IL12RB2: variants seen among roughly 807,000 people sequenced by gnomAD.
IL12RB2 encodes interleukin 12 receptor subunit beta 2.
A neutral mutation model predicts 89.4 loss-of-function variants in IL12RB2; 82 were observed. That is an observed-to-expected ratio of 0.92 (90% CI 0.77 to 1.10). The LOEUF (loss-of-function observed/expected upper bound fraction) is 1.10, where lower values mean the gene tolerates loss of function less well. IL12RB2 is among the 50% of genes least tolerant of loss of function. The pLI, the probability that IL12RB2 is intolerant of heterozygous loss-of-function variation, is 0.00. For missense variants in IL12RB2, 963 were observed against 1,031.9 expected, an observed-to-expected ratio of 0.93 and a Z score of 0.92; for synonymous variants, 368 against 370.1, an observed-to-expected ratio of 0.99 and a Z score of 0.07.
At chr1:67,326,153 G>A (rs1305599127) in intron 4 of IL12RB2, among the ~76,000 whole-genome samples, 2 of 152,188 alleles carry the variant, frequency 1.3e-5, no homozygotes, top group Admixed American at 1.3e-4. Flanking sequence ...AGGCAACTGG[G>A]TGTAAGTGTC....
intron 13 of IL12RB2, among the ~76,000 whole-genome samples, chr1:67,376,216 C>T (rs1050759547): frequency 2.6e-5 from 4 of 152,154 alleles, no homozygotes; most frequent in African/African-American, 9.7e-5. Flanking sequence ...CCAACAGTCT[C>T]TAAGCATCTT....
chr1:67,395,893 A>C lies in IL12RB2; in HGVS notation c.2393A>C (p.Asp798Ala), dbSNP rs2100360867. ...CCAGCAGGTGACCTTCCCACCCATGATGGCTACTTACCCTCCAACATAGAT... is the reference window on the plus strand; with the variant it reads ...CCAGCAGGTGACCTTCCCACCCATGCTGGCTACTTACCCTCCAACATAGAT... ...VLPAGDLPTH[D>A]GYLPSNIDDL... The change falls in exon 17 of 17, where the codon GAT becomes GCT. Residue 798 changes from aspartate to alanine, a missense_variant. Transcript: ENST00000674203. 6.2e-7 allele frequency: 1 copy of C among 1,609,102 alleles called. No homozygotes were observed. The highest frequency in any genetic ancestry group is 8.5e-7 in the Non-Finnish European group (1 of 1,175,770).
At chr1:67,376,101 C>T (rs984823492) in intron 13 of IL12RB2, among the ~76,000 whole-genome samples, 1 of 152,036 alleles carries the variant, frequency 6.6e-6, no homozygotes, top group Non-Finnish European at 1.5e-5. Context: ...CCATCTCGGC[C>T]TCCCAAAGTG....
chr1:67,311,525 A>C (rs1339984185), intron 1 of IL12RB2, among the ~76,000 whole-genome samples: 1 of 152,242 alleles, frequency 6.6e-6, no homozygotes, highest in East Asian at 1.9e-4. Flanking sequence ...TACTTTATGT[A>C]TTTGACCAAA....
intron 9 of IL12RB2, among the ~76,000 whole-genome samples, chr1:67,347,895 A>G (rs1660410926): frequency 6.6e-6 from 1 of 152,076 alleles, no homozygotes; most frequent in Non-Finnish European, 1.5e-5. Flanking sequence ...AAAATCTCAC[A>G]TTACTTTTCT....
At chr1:67,327,000 C>T (rs1657410265) in intron 5 of IL12RB2, 151 bp downstream of exon 5, 10 of 773,710 alleles carry the variant, frequency 1.3e-5, no homozygotes, top group Non-Finnish European at 1.6e-5. Context: ...CTCACTCTGT[C>T]ACCAGGCTAG....
intron 16 of IL12RB2, among the ~76,000 whole-genome samples, chr1:67,391,125 G>C (rs1033839944): frequency 6.6e-6 from 1 of 152,012 alleles, no homozygotes. Flanking sequence ...TGTGACTCTT[G>C]GGCAACTTGC....
At chr1:67,332,626 C>T (rs894452059) in intron 8 of IL12RB2, among the ~76,000 whole-genome samples, 2 of 152,160 alleles carry the variant, frequency 1.3e-5, no homozygotes, top group African/African-American at 4.8e-5. Flanking sequence ...CCAGAGCTTA[C>T]TCATAATATC....
chr1:67,367,825 G>C lies in IL12RB2; in HGVS notation c.1259G>C (p.Gly420Ala). The change falls in exon 11 of 17, where the codon GGG becomes GCG. Residue 420 changes from glycine (G) to alanine (A), a missense_variant and splice_region_variant. Coordinates refer to ENST00000674203, the MANE Select transcript of IL12RB2 (RefSeq NM_001374259.2). The part of the protein sequence containing the change: ...RINIMNLCEA[G>A]LLAPRQVSAN... Reference sequence around the variant, plus strand: ...TTTCTCCTCTTTCTGTCCGATAAAGGGTTGCTGGCTCCTCGCCAGGTCTCT... The same window carrying C: ...TTTCTCCTCTTTCTGTCCGATAAAGCGTTGCTGGCTCCTCGCCAGGTCTCT... 1 of 1,530,834 alleles carries C rather than the reference G, an allele frequency of 6.5e-7. No individual in the cohort carries two copies. The highest frequency in any genetic ancestry group is 9.1e-7 in the Non-Finnish European group (1 of 1,104,738). The allele number at this position is 1,530,834 out of a possible 1,614,324, so 94.8% of individuals were successfully genotyped here. A position where few individuals can be genotyped will look rare whatever the true frequency, so the allele number is the denominator to read the frequency against.
chr1:67,387,714 AAAAG>A (rs1195039678), intron 15 of IL12RB2, among the ~76,000 whole-genome samples: 9 of 151,648 alleles, frequency 5.9e-5, no homozygotes, highest in African/African-American at 1.9e-4. Flanking sequence ...AAAAAAAAAA[AAAAG>A]AAAGAAATTA....
At chr1:67,357,528 T>C (rs192807292) in intron 10 of IL12RB2, among the ~76,000 whole-genome samples, 305 of 152,372 alleles carry the variant, frequency 2.0e-3, no homozygotes, top group African/African-American at 7.0e-3. Context: ...TTTGTCTATT[T>C]AGAAAACAAA....
At chr1:67,317,373 T>A (rs1655914123) in intron 2 of IL12RB2, among the ~76,000 whole-genome samples, 1 of 152,214 alleles carries the variant, frequency 6.6e-6, no homozygotes, top group Non-Finnish European at 1.5e-5. Context: ...ATTTTATGTA[T>A]CTGAACTGAG....
intron 11 of IL12RB2, among the ~76,000 whole-genome samples, chr1:67,372,014 G>T (rs1335973677): frequency 6.6e-6 from 1 of 151,724 alleles, no homozygotes; most frequent in East Asian, 1.9e-4. Flanking sequence ...GAATCAAAAG[G>T]TTTTTTTTCT....
At chr1:67,326,710 A>C (rs1456590765) in intron 4 of IL12RB2, 25 bp from the exon 5 acceptor site, 1 of 1,609,670 alleles carries the variant, frequency 6.2e-7, no homozygotes, top group Non-Finnish European at 8.5e-7. Context: ...TGTGATATAT[A>C]AGGTTTTGTC....
rs762657405 is a variant in IL12RB2 at position 67,341,244 on chromosome 1, CCT to C, written c.1038+2542_1038+2543del. ...ACCATCCTGGCAGACATGGTGAAAC[CCT>C]GTCTCTACCAAAATACAAAAAAATC... On this transcript the variant is annotated intron_variant, in intron 9 of 16. Coordinates refer to ENST00000674203, the MANE Select transcript of IL12RB2 (RefSeq NM_001374259.2). Among the ~76,000 whole-genome samples the C allele has an allele frequency of 3.3e-5, 5 of 152,190 alleles. No individual in the cohort carries two copies. In the East Asian group the frequency reaches 5.8e-4, roughly 18 times the overall value.
intron 10 of IL12RB2, among the ~76,000 whole-genome samples, chr1:67,360,751 A>G (rs1661948576): frequency 6.7e-6 from 1 of 149,210 alleles, no homozygotes; most frequent in African/African-American, 2.5e-5. Flanking sequence ...AACCAAGATC[A>G]CTCTACTGCA....
chr1:67,355,435 A>C (rs1661289390), intron 10 of IL12RB2, among the ~76,000 whole-genome samples: 1 of 151,804 alleles, frequency 6.6e-6, no homozygotes, highest in South Asian at 2.1e-4. Context: ...AAAAAAAAAA[A>C]AAAAAAAGGA....
intron 13 of IL12RB2, among the ~76,000 whole-genome samples, chr1:67,375,179 G>C (rs76929638): frequency 0.075 from 11,350 of 152,028 alleles, 841 homozygotes; most frequent in East Asian, 0.21. Flanking sequence ...CAGATCGTTT[G>C]AGCCCAATAG....
At chr1:67,326,627 G>T in intron 4 of IL12RB2, 108 bp from the exon 5 acceptor site, 2 of 1,505,532 alleles carry the variant, frequency 1.3e-6, no homozygotes. Context: ...TAGTTTACCT[G>T]GGTTTACGGC....
Sources: allele counts gnomAD v4.1 joint callset (sites outside exome capture counted in the v4.1 genomes callset), GRCh38; gene constraint gnomAD v4.1.1; transcripts MANE v1.5; gene names NCBI Gene and HGNC (gene_info 2026-07-23, HGNC 2026-07-21).